Variants in LRRC4C observed in about 807,000 individuals in gnomAD.
LRRC4C encodes the protein leucine-rich repeat-containing protein 4C.
LRRC4C carries 5 observed loss-of-function variants against 33.6 expected under a neutral mutation model. The observed-to-expected ratio is 0.15, with a 90% CI of 0.08 to 0.31. The LOEUF (loss-of-function observed/expected upper bound fraction) is 0.31. LRRC4C is among the 10% of genes least tolerant of loss of function. LRRC4C has a pLI of 1.00. For synonymous variants in LRRC4C, 329 were observed against 302.0 expected (o/e 1.09, Z -0.93); for missense variants, 560 against 796.7 (o/e 0.70, Z 3.58).
chr11:40,245,988 T>C (rs1866303225), intron 4 of LRRC4C, among the ~76,000 whole-genome samples: 1 of 151,640 alleles, frequency 6.6e-6, no homozygotes, highest in Non-Finnish European at 1.5e-5. Context: ...TTTTTTTTTT[T>C]TGAGATGGAG....
At chr11:40,352,200 A>C (rs1008876938) in intron 3 of LRRC4C, among the ~76,000 whole-genome samples, 1 of 112,810 alleles carries the variant, frequency 8.9e-6, no homozygotes, top group Non-Finnish European at 1.8e-5. Flanking sequence ...CTTCCTTCGA[A>C]GGTGTTTTTT....
intron 1 of LRRC4C, among the ~76,000 whole-genome samples, chr11:41,120,942 C>T (rs1020565849): frequency 5.3e-5 from 8 of 152,150 alleles, no homozygotes; most frequent in African/African-American, 1.9e-4. Flanking sequence ...GTGCTTGCTT[C>T]CCCTTTGCCC....
intron 2 of LRRC4C, among the ~76,000 whole-genome samples, chr11:40,771,360 G>A (rs548601246): frequency 6.6e-6 from 1 of 152,246 alleles, no homozygotes; most frequent in East Asian, 1.9e-4. Flanking sequence ...CATGTCCTAG[G>A]TCTGCACAGA....
intron 1 of LRRC4C, among the ~76,000 whole-genome samples, chr11:41,451,910 ACTG>A (rs1956038330): frequency 6.6e-6 from 1 of 152,092 alleles, no homozygotes; most frequent in Non-Finnish European, 1.5e-5. Context: ...CTGTATTCAG[ACTG>A]CTGTCACTAT....
chr11:41,329,877 T>C (rs1264786721), intron 1 of LRRC4C, among the ~76,000 whole-genome samples: 1 of 152,188 alleles, frequency 6.6e-6, no homozygotes, highest in African/African-American at 2.4e-5. Flanking sequence ...GGTGCAGGAC[T>C]CTAGAAAACC....
In LRRC4C at chr11:40,391,480, G is replaced by A. The variant is rs376418446; in HGVS notation, c.-269-71759C>T. Among the ~76,000 whole-genome samples, 66 of 152,278 alleles carry A rather than the reference G, an allele frequency of 4.3e-4. No homozygotes were observed. In the South Asian group the frequency reaches 0.013, roughly 30 times the overall value. On this transcript the variant is annotated intron_variant, in intron 3 of 6. Coordinates refer to ENST00000528697, the MANE Select transcript of LRRC4C (RefSeq NM_001258419.2). ...TTAAGCTTTATAACAACGCTGTGAT[G>A]TACCACTATTGTCTCCATTCTGAGA... is the stretch of plus-strand genomic sequence containing the variant.
rs186242206 is a variant in LRRC4C at position 40,540,477 on chromosome 11, A to G, written c.-270+107665T>C. Reference sequence around the variant, plus strand: ...TCTGTGCAGCTTCTTCTTTGTCAGGAGTATTGTAGATCCTGACCAAATATT... The same window carrying G: ...TCTGTGCAGCTTCTTCTTTGTCAGGGGTATTGTAGATCCTGACCAAATATT... On this transcript the variant is annotated intron_variant, in intron 3 of 6. Transcript: ENST00000528697. Among the ~76,000 whole-genome samples, 14 of 152,200 alleles carry G rather than the reference A, an allele frequency of 9.2e-5. 1 individual carries two copies. In the East Asian group the frequency reaches 2.7e-3, roughly 29 times the overall value.
intron 3 of LRRC4C, among the ~76,000 whole-genome samples, chr11:40,576,515 T>A (rs565127637): frequency 5.3e-5 from 8 of 152,234 alleles, no homozygotes; most frequent in Non-Finnish European, 1.5e-5. Flanking sequence ...TCCCTGAAAG[T>A]GGCATCATGC....
intron 1 of LRRC4C, among the ~76,000 whole-genome samples, chr11:41,179,701 A>G (rs1341476466): frequency 2.0e-5 from 3 of 152,204 alleles, no homozygotes; most frequent in Non-Finnish European, 4.4e-5. Context: ...TAGGTATACA[A>G]CTGTTTCCTA....
At position 41,367,443 on chromosome 11, in the gene LRRC4C, G is replaced by A. The variant is rs1035927590; in HGVS notation, c.-496+91988C>T. On this transcript the variant is annotated intron_variant, in intron 1 of 6. Transcript: ENST00000528697. ...GGGGTTCCCAAAAGATTCTGACACC[G>A]ACCATCAAACAACACTTGGGGATAC... is the stretch of plus-strand genomic sequence containing the variant. Among the ~76,000 whole-genome samples the A allele has an allele frequency of 5.3e-5, 8 of 152,124 alleles. No individual in the cohort carries two copies. The South Asian group carries it at 1.5e-3, about 28-fold the overall frequency.
At chr11:40,243,191 T>C (rs1192207644) in intron 4 of LRRC4C, among the ~76,000 whole-genome samples, 1 of 152,208 alleles carries the variant, frequency 6.6e-6, no homozygotes, top group Non-Finnish European at 1.5e-5. Flanking sequence ...TTTTAAGTTT[T>C]ATGTGTTCAA....
At chr11:40,279,654 C>T (rs111476094) in intron 4 of LRRC4C, among the ~76,000 whole-genome samples, 397 of 152,228 alleles carry the variant, frequency 2.6e-3, no homozygotes, top group Non-Finnish European at 4.4e-3. Flanking sequence ...GCTTATGTCA[C>T]ACATAAGAAA....
intron 5 of LRRC4C, among the ~76,000 whole-genome samples, chr11:40,173,034 A>G (rs1393895074): frequency 6.6e-6 from 1 of 152,220 alleles, no homozygotes; most frequent in Non-Finnish European, 1.5e-5. Flanking sequence ...CAGTACATCT[A>G]CAAGCCAAGA....
intron 1 of LRRC4C, among the ~76,000 whole-genome samples, chr11:40,992,382 TCTTA>T (rs1853641683): frequency 1.3e-5 from 2 of 151,852 alleles, no homozygotes; most frequent in Non-Finnish European, 2.9e-5. Context: ...TTTTTAAATT[TCTTA>T]CTTTCATTTT....
intron 3 of LRRC4C, among the ~76,000 whole-genome samples, chr11:40,417,260 A>C (rs1440105): frequency 0.34 from 51,368 of 152,012 alleles, 9,851 homozygotes; most frequent in South Asian, 0.46. Context: ...CAATAAACGA[A>C]CTCAATACCT....
At chr11:40,704,128 G>A (rs7937924) in intron 2 of LRRC4C, among the ~76,000 whole-genome samples, 22,654 of 151,954 alleles carry the variant, frequency 0.15, 1,763 homozygotes, top group South Asian at 0.17. Context: ...TATTTACAGA[G>A]CATTTACATT....
In LRRC4C at chr11:40,259,226, T is replaced by C. The variant is rs558579666; in HGVS notation, c.-175-17628A>G. 3.8e-3 allele frequency among the ~76,000 whole-genome samples: 583 copies of C among 152,238 alleles called. 3 individuals carry two copies. Among genetic ancestry groups the C allele is most frequent in the African/African-American group, 0.013 (557 of 41,536 alleles). Reference sequence around the variant, plus strand: ...AATGTCTTCTTTTGAGAAGTGTCTGTTCATGTCCTTCGCCCACTTTTTGAT... The same window carrying C: ...AATGTCTTCTTTTGAGAAGTGTCTGCTCATGTCCTTCGCCCACTTTTTGAT... On this transcript the variant is annotated intron_variant, in intron 4 of 6. Coordinates refer to ENST00000528697, the MANE Select transcript of LRRC4C (RefSeq NM_001258419.2).
intron 1 of LRRC4C, among the ~76,000 whole-genome samples, chr11:41,391,251 T>C (rs969587325): frequency 1.1e-4 from 16 of 151,586 alleles, no homozygotes; most frequent in Admixed American, 5.3e-4. Flanking sequence ...AAATCTACAC[T>C]AAATACACAA....
At chr11:41,387,770 A>G (rs1953418463) in intron 1 of LRRC4C, among the ~76,000 whole-genome samples, 1 of 151,812 alleles carries the variant, frequency 6.6e-6, no homozygotes, top group Non-Finnish European at 1.5e-5. Context: ...ATAGTTATAT[A>G]TGTTAGCTGC....
Sources: allele counts gnomAD v4.1 joint callset (sites outside exome capture counted in the v4.1 genomes callset), GRCh38; gene constraint gnomAD v4.1.1; transcripts MANE v1.5; gene names NCBI Gene and HGNC (gene_info 2026-07-23, HGNC 2026-07-21).